Variants in PKHD1 observed in about 807,000 individuals in gnomAD.
PKHD1 encodes PKHD1 ciliary IPT domain containing fibrocystin/polyductin.
In PKHD1, 291 loss-of-function variants were observed where a neutral mutation model predicts 412.0. That is an observed-to-expected ratio of 0.71 (90% confidence interval 0.64 to 0.78). The LOEUF (loss-of-function observed/expected upper bound fraction) is 0.78. Among genes scored for constraint, PKHD1 ranks in the 30% least tolerant of loss-of-function variants. PKHD1 has a pLI of 0.00. For synonymous variants in PKHD1, 1,777 were observed against 1,821.5 expected, an observed-to-expected ratio of 0.98 and a Z score of 0.62; for missense variants, 4,825 against 4,950.7, an observed-to-expected ratio of 0.97 and a Z score of 0.76.
At chr6:51,792,018 G>A (rs1379141637) in intron 52 of PKHD1, among the ~76,000 whole-genome samples, 1 of 152,094 alleles carries the variant, frequency 6.6e-6, no homozygotes, top group Non-Finnish European at 1.5e-5. Flanking sequence ...CTTAATAAAC[G>A]CTTGATGTTA....
intron 60 of PKHD1, among the ~76,000 whole-genome samples, chr6:51,734,308 T>G (rs886206481): frequency 6.6e-6 from 1 of 152,198 alleles, no homozygotes; most frequent in African/African-American, 2.4e-5. Context: ...TCTCCTGAAA[T>G]TAGAAAATGG....
chr6:52,076,219 A>C, intron 6 of PKHD1, 57 bp downstream of exon 6: 2 of 1,259,306 alleles, frequency 1.6e-6, no homozygotes, highest in Non-Finnish European at 2.3e-6. Flanking sequence ...CTAGGTTTGC[A>C]ACAAGCTTTG....
chr6:51,704,636 C>T (rs551036306), intron 60 of PKHD1, among the ~76,000 whole-genome samples: 37 of 152,012 alleles, frequency 2.4e-4, no homozygotes, highest in African/African-American at 7.7e-4. Flanking sequence ...AGGATGGAAC[C>T]GAGGGAGGTG....
At chr6:52,034,325 T>C (rs908024461) in intron 28 of PKHD1, among the ~76,000 whole-genome samples, 1 of 142,132 alleles carries the variant, frequency 7.0e-6, no homozygotes, top group South Asian at 2.5e-4. Flanking sequence ...TTAAAAGTTG[T>C]TTCAGGAAGG....
At chr6:51,783,267 A>T (rs1792315317) in intron 53 of PKHD1, among the ~76,000 whole-genome samples, 2 of 152,044 alleles carry the variant, frequency 1.3e-5, no homozygotes, top group Admixed American at 1.3e-4. Context: ...TATCTTGTTG[A>T]CTAGGGATCA....
At chr6:52,028,450 C>A (rs1334914466) in intron 29 of PKHD1, 99 bp from the exon 30 acceptor site, 1 of 1,070,690 alleles carries the variant, frequency 9.3e-7, no homozygotes, top group African/African-American at 1.6e-5. Context: ...AATTCACAGT[C>A]ACCCCTATGC....
chr6:51,956,676 G>C (rs1471865027), intron 36 of PKHD1, among the ~76,000 whole-genome samples: 1 of 142,432 alleles, frequency 7.0e-6, no homozygotes, highest in Admixed American at 6.7e-5. Context: ...AAAGAGTCCT[G>C]GGGGGTGGCT....
At chr6:51,807,739 G>T (rs1764070203) in intron 52 of PKHD1, among the ~76,000 whole-genome samples, 1 of 151,914 alleles carries the variant, frequency 6.6e-6, no homozygotes, top group Non-Finnish European at 1.5e-5. Flanking sequence ...TGGAGTCTTT[G>T]TATCCATCCA....
intron 52 of PKHD1, among the ~76,000 whole-genome samples, chr6:51,799,257 T>C (rs929125232): frequency 3.3e-5 from 5 of 152,044 alleles, no homozygotes; most frequent in African/African-American, 1.2e-4. Flanking sequence ...GAAACATTAG[T>C]CTTATTTCTT....
chr6:51,667,866 C>T (rs971133959), intron 60 of PKHD1, among the ~76,000 whole-genome samples: 13 of 151,470 alleles, frequency 8.6e-5, no homozygotes, highest in Admixed American at 3.9e-4. Context: ...AGATACGCGG[C>T]GTTATTTCTG....
rs545562562 is a variant in PKHD1 at position 51,847,300 on chromosome 6, C to G, written c.8107+475G>C. Among the ~76,000 whole-genome samples, 4 of 142,804 alleles carry G rather than the reference C, an allele frequency of 2.8e-5. No homozygotes were observed. In the East Asian group the frequency reaches 8.2e-4, roughly 29 times the overall value. The allele number at this position is 142,804 out of a possible 152,430, so 93.7% of individuals were successfully genotyped here. A position where few individuals can be genotyped will look rare whatever the true frequency, so the allele number is the denominator to read the frequency against. On this transcript the variant is annotated intron_variant, in intron 50 of 66. Transcript: ENST00000371117. ...TTTTTTTTGGAGAGATGGGGTCTCA[C>G]TTTGCTGCCCTGGCTGGTCTCAAAC...
chr6:51,930,169 A>G (rs1786349219), intron 37 of PKHD1, among the ~76,000 whole-genome samples: 1 of 152,188 alleles, frequency 6.6e-6, no homozygotes, highest in East Asian at 1.9e-4. Context: ...CAGAGTGATG[A>G]AAGCAAAAGG....
intron 50 of PKHD1, among the ~76,000 whole-genome samples, chr6:51,839,976 G>A (rs1769885052): frequency 6.6e-6 from 1 of 151,812 alleles, no homozygotes; most frequent in African/African-American, 2.4e-5. Flanking sequence ...CTGGACCCAA[G>A]CCCCAGCTCT....
intron 19 of PKHD1, among the ~76,000 whole-genome samples, chr6:52,055,122 G>T (rs553962361): frequency 6.6e-6 from 1 of 152,126 alleles, no homozygotes; most frequent in African/African-American, 2.4e-5. Context: ...CCTTCACTGG[G>T]TCCTAACTGT....
At chr6:52,056,636 T>C in intron 18 of PKHD1, 62 bp downstream of exon 18, 1 of 1,231,096 alleles carries the variant, frequency 8.1e-7, no homozygotes, top group Middle Eastern at 1.9e-4. Flanking sequence ...ATTGTTCTCA[T>C]TTTATAGAAA....
chr6:51,695,101 A>T (rs138482683), intron 60 of PKHD1, among the ~76,000 whole-genome samples: 5 of 152,338 alleles, frequency 3.3e-5, no homozygotes. Flanking sequence ...ACAAAGCTGA[A>T]TAAAAATGGA....
chr6:52,050,126 A>G, intron 22 of PKHD1, 31 bp downstream of exon 22: 1 of 1,611,110 alleles, frequency 6.2e-7, no homozygotes, highest in Admixed American at 1.7e-5. Flanking sequence ...TTCTTAGGAG[A>G]AGGGACAGGT....
chr6:52,056,015 C>T (rs1168941512), intron 18 of PKHD1, among the ~76,000 whole-genome samples: 1 of 152,138 alleles, frequency 6.6e-6, no homozygotes, highest in African/African-American at 2.4e-5. Flanking sequence ...ATTTTAGGGG[C>T]TGGATAATTC....
intron 18 of PKHD1, 87 bp downstream of exon 18, chr6:52,056,611 G>T: frequency 9.7e-7 from 1 of 1,030,442 alleles, no homozygotes; most frequent in Non-Finnish European, 1.5e-6. Flanking sequence ...TTATCACCTT[G>T]GAGAGGAAAT....
Sources: allele counts gnomAD v4.1 joint callset (sites outside exome capture counted in the v4.1 genomes callset), GRCh38; gene constraint gnomAD v4.1.1; transcripts MANE v1.5; gene names NCBI Gene and HGNC (gene_info 2026-07-23, HGNC 2026-07-21).